The following ADA2 variants were observed in gnomAD, a reference collection of about 807,000 sequenced individuals.
The protein encoded by ADA2 is adenosine deaminase CECR1.
In ADA2, 29 loss-of-function variants were observed where a neutral mutation model predicts 44.2. That is an observed-to-expected ratio of 0.66 (90% CI 0.49 to 0.89). The LOEUF (loss-of-function observed/expected upper bound fraction) is 0.89, where lower values mean the gene tolerates loss of function less well. ADA2 is among the 40% of genes least tolerant of loss of function. The pLI, the probability that ADA2 is intolerant of heterozygous loss-of-function variation, is 0.00. For synonymous variants in ADA2, 215 were observed against 234.9 expected (o/e 0.92, Z 0.77); for missense variants, 637 against 644.8 (o/e 0.99, Z 0.13).
In ADA2 at chr22:17,203,828, C is replaced by A. The variant is rs1489555905; in HGVS notation, c.543-55G>T. The A allele has an allele frequency of 2.4e-6, 3 of 1,269,674 alleles. No homozygotes were observed. The East Asian group carries it at 7.2e-5, about 30-fold the overall frequency. The allele number at this position is 1,269,674 out of a possible 1,614,324, so 78.7% of individuals were successfully genotyped here. On this transcript the variant is annotated intron_variant, in intron 3 of 9. Coordinates refer to ENST00000399837, the MANE Select transcript of ADA2 (RefSeq NM_001282225.2). ...GAGGCATGATCCAGGACACTGCCCCCGGGCGCCCATAGGACTGCTACCCAC... is the reference window on the plus strand; with the variant it reads ...GAGGCATGATCCAGGACACTGCCCCAGGGCGCCCATAGGACTGCTACCCAC...
chr22:17,211,147 G>A (rs1364918455), intron 1 of ADA2, among the ~76,000 whole-genome samples: 2 of 152,030 alleles, frequency 1.3e-5, no homozygotes, highest in East Asian at 1.9e-4. Flanking sequence ...GGATCACGAG[G>A]TCAGGAGTTT....
Position 17,207,082 on chromosome 22 carries a change from C to T in ADA2, c.531G>A (p.Glu177=). 1 of 1,614,078 alleles carries T rather than the reference C, an allele frequency of 6.2e-7. No individual in the cohort carries two copies. The highest frequency in any genetic ancestry group is 1.1e-5 in the South Asian group (1 of 91,078). The change falls in exon 3 of 10, where the codon GAG becomes GAA. Residue 177 remains glutamate, a synonymous_variant. Coordinates refer to ENST00000399837, the MANE Select transcript of ADA2 (RefSeq NM_001282225.2). ...GAACTACTACTCACCTGTCATCAAA[C>T]TCAGTGACGTTCTGCACCCGCTTCC... ...DYRKRVQNVT[E]FDDSLLRNFT...
intron 3 of ADA2, among the ~76,000 whole-genome samples, chr22:17,204,572 T>A (rs993040351): frequency 1.6e-4 from 24 of 151,114 alleles, no homozygotes; most frequent in African/African-American, 5.9e-4. Flanking sequence ...ATCGCACCAC[T>A]GTACTCCAGC....
intron 1 of ADA2, among the ~76,000 whole-genome samples, chr22:17,215,137 A>G (rs7290186): frequency 0.23 from 35,633 of 152,152 alleles, 5,069 homozygotes; most frequent in African/African-American, 0.4. Context: ...TGGGAGAAAC[A>G]ATCTCTGTGG....
At position 17,209,578 on chromosome 22, in the gene ADA2, G is replaced by GT; in HGVS notation, c.99dup (p.Arg34ThrfsTer28). ...TTTTCTTTCAACAACAGATGCGCCC[G>GT]TGTTTCATCTATGGATAGAGCTGAG... is the stretch of plus-strand genomic sequence containing the variant. On this transcript the variant is annotated frameshift_variant, in exon 2 of 10. Transcript: ENST00000399837. LOFTEE classifies it high-confidence loss of function. 6.2e-7 allele frequency: 1 copy of GT among 1,614,072 alleles called. No homozygotes were observed. The highest frequency in any genetic ancestry group is 8.5e-7 in the Non-Finnish European group (1 of 1,180,024).
intron 4 of ADA2, among the ~76,000 whole-genome samples, chr22:17,199,301 G>A (rs1340209522): frequency 2.0e-5 from 3 of 151,006 alleles, no homozygotes; most frequent in African/African-American, 7.3e-5. Context: ...GGGGGAAGAT[G>A]GAACAGGAAG....
upstream of ADA2, among the ~76,000 whole-genome samples, chr22:17,221,559 A>G (rs1163327280): frequency 3.3e-5 from 5 of 152,138 alleles, no homozygotes; most frequent in Admixed American, 1.3e-4. Flanking sequence ...AGTAGGAGCT[A>G]ATTTTCACAT....
chr22:17,216,086 C>T (rs2062468613), intron 1 of ADA2, among the ~76,000 whole-genome samples: 1 of 152,104 alleles, frequency 6.6e-6, no homozygotes, highest in Admixed American at 6.6e-5. Flanking sequence ...ACACAGGAGG[C>T]TGAGGCAGGA....
At chr22:17,217,272 T>A (rs967917794) in intron 1 of ADA2, among the ~76,000 whole-genome samples, 1 of 151,566 alleles carries the variant, frequency 6.6e-6, no homozygotes, top group Admixed American at 6.6e-5. Flanking sequence ...AATAAGCCAA[T>A]AAGGAATACA....
At chr22:17,193,358 CAAAAAAA>C (rs71200244) in intron 4 of ADA2, 3 of 63,744 alleles carry the variant, frequency 4.7e-5, no homozygotes, top group South Asian at 1.3e-4. Flanking sequence ...GTAAAAACTG[CAAAAAAA>C]AAAAAAAAAA....
chr22:17,210,188 T>C (rs1448610628), intron 1 of ADA2, among the ~76,000 whole-genome samples: 1 of 130,370 alleles, frequency 7.7e-6, no homozygotes, highest in Non-Finnish European at 1.6e-5. Flanking sequence ...CTGCACCACC[T>C]GGCATTTTTT....
chr22:17,187,795 G>T (rs1036319960), intron 7 of ADA2, among the ~76,000 whole-genome samples: 23 of 152,050 alleles, frequency 1.5e-4, no homozygotes, highest in African/African-American at 5.3e-4. Context: ...TTAAAAACTG[G>T]GGAAACAATC....
chr22:17,197,458 C>G (rs2062207208), intron 4 of ADA2, among the ~76,000 whole-genome samples: 1 of 151,904 alleles, frequency 6.6e-6, no homozygotes, highest in Non-Finnish European at 1.5e-5. Context: ...TTTGTAGAGA[C>G]AAGGGTTTTG....
intron 6 of ADA2, chr22:17,188,868 A>AAAAAAAAAAAAAAAAAAAAAAAAAAAAT: frequency 1.2e-5 from 1 of 81,128 alleles, no homozygotes; most frequent in Admixed American, 1.3e-4. Flanking sequence ...AAGAGCAAAA[A>AAAAAAAAAAAAAAAAAAAAAAAAAAAAT]ATATATATAT....
At chr22:17,191,938 T>A in intron 4 of ADA2, 128 bp from the exon 5 acceptor site, 1 of 726,100 alleles carries the variant, frequency 1.4e-6, no homozygotes, top group Non-Finnish European at 1.9e-6. Flanking sequence ...CAGCCACCCC[T>A]TCCCAGCCAC....
At chr22:17,188,901 G>A (rs544327884) in intron 6 of ADA2, among the ~76,000 whole-genome samples, 1 of 118,902 alleles carries the variant, frequency 8.4e-6, no homozygotes, top group African/African-American at 3.0e-5. Context: ...TAAAGACGGG[G>A]TCTCACCGAT....
chr22:17,197,011 A>T (rs770458519), intron 4 of ADA2, among the ~76,000 whole-genome samples: 7 of 152,100 alleles, frequency 4.6e-5, no homozygotes, highest in Non-Finnish European at 1.0e-4. Flanking sequence ...CGTCTCTACT[A>T]AAAATACAAA....
At chr22:17,209,267 G>T (rs1601461831) in intron 2 of ADA2, 89 bp downstream of exon 2, 1 of 1,089,222 alleles carries the variant, frequency 9.2e-7, no homozygotes, top group Non-Finnish European at 1.4e-6. Context: ...GCTCCATCTA[G>T]AATAGCAACA....
chr22:17,199,813 T>C, intron 4 of ADA2: 1 of 1,344,756 alleles, frequency 7.4e-7, no homozygotes, highest in Non-Finnish European at 9.7e-7. Flanking sequence ...TGGGCATGGC[T>C]CGCGTCTGTA....
Sources: gnomAD v4.1 joint callset for allele counts (sites outside exome capture counted in the v4.1 genomes callset) on GRCh38, gnomAD v4.1.1 for gene constraint, MANE v1.5 for transcripts, NCBI Gene and HGNC (gene_info 2026-07-23, HGNC 2026-07-21) for gene names.